The following ARPC1B variants were observed in gnomAD, a reference collection of about 807,000 sequenced individuals.
ARPC1B encodes the protein actin related protein 2/3 complex subunit 1B.
In ARPC1B, 29 loss-of-function variants were observed where a neutral mutation model predicts 46.0. That is an observed-to-expected ratio of 0.63 (90% CI 0.47 to 0.86). The LOEUF (loss-of-function observed/expected upper bound fraction) is 0.86. Ranked by LOEUF, ARPC1B falls within the 40% of genes least tolerant of loss-of-function variation. The pLI is 0.00. For synonymous variants in ARPC1B, 201 were observed against 213.9 expected (o/e 0.94, Z 0.53); for missense variants, 469 against 529.4 (o/e 0.89, Z 1.12).
In ARPC1B at chr7:99,394,490, C is replaced by T. The variant is rs377295485; in HGVS notation, c.*1C>T. On this transcript the variant is annotated 3_prime_UTR_variant, in exon 10 of 10. Coordinates refer to ENST00000646101, the MANE Select transcript of ARPC1B (RefSeq NM_005720.4). ...CTTGAAGGACCTCAAGATCAAATGA[C>T]CTGTGAGGAATATGTTGCCTTCATC... 1.2e-6 allele frequency: 2 copies of T among 1,613,976 alleles called. No individual in the cohort carries two copies. Among genetic ancestry groups the T allele is most frequent in the Admixed American group, 3.3e-5 (2 of 59,992 alleles).
Position 99,394,075 on chromosome 7 carries a change from T to C in ARPC1B, c.1036T>C (p.Cys346Arg). The C allele has an allele frequency of 6.2e-7, 1 of 1,613,722 alleles. No homozygotes were observed. The highest frequency in any genetic ancestry group is 8.5e-7 in the Non-Finnish European group (1 of 1,180,044). ...CGGCAAGGCCAAGTGCTCGCAGTTC[T>C]GCACCACTGGCATGGATGGCGGCAT... ...SGGKAKCSQFCTTGMDGGMSI... is the reference protein window; with the variant it reads ...SGGKAKCSQFRTTGMDGGMSI... Residue 346 changes from cysteine (C) to arginine (R), a missense_variant, in exon 9 of 10, where the codon TGC becomes CGC. Coordinates refer to ENST00000646101, the MANE Select transcript of ARPC1B (RefSeq NM_005720.4).
intron 1 of ARPC1B, among the ~76,000 whole-genome samples, chr7:99,382,470 G>A (rs1562812140): frequency 6.6e-6 from 1 of 151,234 alleles, no homozygotes; most frequent in Non-Finnish European, 1.5e-5. Context: ...AGAAAGTGCT[G>A]GATGGTACTA....
intron 4 of ARPC1B, chr7:99,389,460 A>G (rs1033114988): frequency 7.6e-5 from 12 of 158,772 alleles, no homozygotes; most frequent in South Asian, 3.5e-4. Flanking sequence ...GCCTCAAGCA[A>G]TCTTCCCACC....
chr7:99,389,822 G>A (rs1020331908), intron 4 of ARPC1B, 83 bp from the exon 5 acceptor site: 162 of 1,170,366 alleles, frequency 1.4e-4, no homozygotes, highest in Middle Eastern at 5.4e-4. Context: ...GGGAGCAGTG[G>A]GAGCCTGGAG....
intron 1 of ARPC1B, among the ~76,000 whole-genome samples, chr7:99,379,456 T>G (rs973174108): frequency 1.3e-5 from 2 of 152,126 alleles, no homozygotes; most frequent in Admixed American, 6.6e-5. Context: ...CTGCCTGAGC[T>G]GGGTGGGGAC....
At chr7:99,380,937 C>T (rs1794198709) in intron 1 of ARPC1B, among the ~76,000 whole-genome samples, 1 of 152,202 alleles carries the variant, frequency 6.6e-6, no homozygotes, top group African/African-American at 2.4e-5. Context: ...CTTCACCCTG[C>T]CCCTGCCCTG....
rs1397191645 is a variant in ARPC1B at position 99,388,070 on chromosome 7, T to C, written c.201T>C (p.Ile67=). Residue 67 remains isoleucine, a synonymous_variant, in exon 4 of 10, where the codon ATT becomes ATC. Transcript: ENST00000646101. ...ACTGGGCCCCCGAGAGTAACCGTAT[T>C]GTGACCTGCGGCACAGACCGCAACG... ...GIDWAPESNR[I]VTCGTDRNAY... is the part of the protein sequence containing the mutation. The C allele has an allele frequency of 3.1e-6, 5 of 1,611,738 alleles. No individual in the cohort carries two copies. Among genetic ancestry groups the C allele is most frequent in the Non-Finnish European group, 3.4e-6 (4 of 1,178,278 alleles).
At chr7:99,379,413 G>A (rs1794141282) in intron 1 of ARPC1B, among the ~76,000 whole-genome samples, 1 of 152,174 alleles carries the variant, frequency 6.6e-6, no homozygotes, top group African/African-American at 2.4e-5. Context: ...TTAGCACGGT[G>A]CAAATTAGCC....
intron 1 of ARPC1B, among the ~76,000 whole-genome samples, chr7:99,381,106 C>T (rs1213679899): frequency 3.3e-5 from 5 of 152,196 alleles, no homozygotes; most frequent in African/African-American, 7.2e-5. Flanking sequence ...CCCATCAGAC[C>T]TGCTGACATG....
intron 1 of ARPC1B, among the ~76,000 whole-genome samples, chr7:99,378,778 T>TTTC (rs1794111157): frequency 7.6e-6 from 1 of 131,220 alleles, no homozygotes; most frequent in African/African-American, 3.3e-5. Flanking sequence ...CTTTTTCTTT[T>TTTC]TTTTTTTTTT....
At position 99,394,110 on chromosome 7, in the gene ARPC1B, G is replaced by C; in HGVS notation, c.1071G>C (p.Trp357Cys). Residue 357 changes from tryptophan to cysteine, a missense_variant, in exon 9 of 10, where the codon TGG (tryptophan) becomes TGC (cysteine). Physicochemically the swap from Trp to Cys is radical, Grantham distance 215. Transcript: ENST00000646101. ...TTGMDGGMSI[W>C]DVKSLESALK... is the part of the protein sequence containing the mutation. ...GCATGGATGGCGGCATGAGTATCTGGGATGTGAAGGTGAGGCTTGCCCCTC... is the reference window on the plus strand; with the variant it reads ...GCATGGATGGCGGCATGAGTATCTGCGATGTGAAGGTGAGGCTTGCCCCTC... The C allele has an allele frequency of 6.2e-7, 1 of 1,613,548 alleles. No homozygotes were observed. The highest frequency in any genetic ancestry group is 8.5e-7 in the Non-Finnish European group (1 of 1,180,030).
At position 99,386,718 on chromosome 7, in the gene ARPC1B, A is replaced by G. The variant is rs200838883; in HGVS notation, c.98A>G (p.His33Arg). The change falls in exon 3 of 10, where the codon CAT becomes CGT. Residue 33 changes from histidine (H) to arginine (R), a missense_variant. Physicochemically the swap from His to Arg is conservative, Grantham distance 29 (BLOSUM62 0). Transcript: ENST00000646101. ...ATCTGCCCCAACAACCATGAGGTGCATATCTATGAAAAGAGCGGTGCCAAA... is the reference window on the plus strand; with the variant it reads ...ATCTGCCCCAACAACCATGAGGTGCGTATCTATGAAAAGAGCGGTGCCAAA... Reference protein sequence around the residue: ...IAICPNNHEVHIYEKSGAKWT... With the variant: ...IAICPNNHEVRIYEKSGAKWT... 538 of 1,614,138 alleles carry G rather than the reference A, an allele frequency of 3.3e-4. 3 individuals carry two copies. In the Admixed American group the frequency reaches 8.8e-3, roughly 26 times the overall value.
intron 3 of ARPC1B, among the ~76,000 whole-genome samples, chr7:99,387,152 G>A (rs867101612): frequency 6.6e-6 from 1 of 152,196 alleles, no homozygotes; most frequent in South Asian, 2.1e-4. Flanking sequence ...AGTAAAAAGT[G>A]CTTGCTGGGC....
In ARPC1B at chr7:99,388,013, C is replaced by T. The variant is rs77167227; in HGVS notation, c.170-26C>T. On this transcript the variant is annotated intron_variant, in intron 3 of 9. Transcript: ENST00000646101. The stretch of plus-strand genomic sequence containing the variant: ...ACCTCTGCCTGAGTGTCATCAGCCT[C>T]CTGTGTTCCCTCCATCCCCCCACAG... 5,221 of 1,512,528 alleles carry T rather than the reference C, an allele frequency of 3.5e-3. 22 individuals carry two copies. Among genetic ancestry groups the T allele is most frequent in the African/African-American group, 0.012 (881 of 73,094 alleles). 93.7% of individuals were successfully genotyped at this position (1,512,528 alleles called of 1,614,324 possible).
Position 99,389,997 on chromosome 7 carries a change from G to C in ARPC1B, c.485G>C (p.Cys162Ser), listed in dbSNP as rs1268568339. ...PNNVLLAAGS[C>S]DFKCRIFSAY... ...AATGTGCTGCTGGCTGCCGGCTCCT[G>C]TGACTTCAAGTGTCGGTGAGACAGG... is the stretch of plus-strand genomic sequence containing the variant. Residue 162 changes from cysteine to serine, a missense_variant, in exon 5 of 10, where the codon TGT becomes TCT. Physicochemically the swap from Cys to Ser is moderately radical, Grantham distance 112. Transcript: ENST00000646101. 4 of 1,614,068 alleles carry C rather than the reference G, an allele frequency of 2.5e-6. No homozygotes were observed. Among genetic ancestry groups the C allele is most frequent in the Non-Finnish European group, 3.4e-6 (4 of 1,180,000 alleles).
intron 1 of ARPC1B, 54 bp from the exon 2 acceptor site, chr7:99,385,648 G>A: frequency 6.0e-6 from 9 of 1,509,514 alleles, no homozygotes; most frequent in African/African-American, 2.7e-5. Context: ...TATGGGTGAA[G>A]TCAGGGGCAA....
In ARPC1B at chr7:99,394,477, C is replaced by A; in HGVS notation, c.1107C>A (p.Leu369=). The A allele has an allele frequency of 6.2e-7, 1 of 1,614,052 alleles. No individual in the cohort carries two copies. Among genetic ancestry groups the A allele is most frequent in the Non-Finnish European group, 8.5e-7 (1 of 1,180,020 alleles). Reference sequence around the variant, plus strand: ...GCTTGGAGTCAGCCTTGAAGGACCTCAAGATCAAATGACCTGTGAGGAATA... The same window carrying A: ...GCTTGGAGTCAGCCTTGAAGGACCTAAAGATCAAATGACCTGTGAGGAATA... The part of the protein sequence containing the change: ...VKSLESALKD[L]KIK Residue 369 remains leucine, a synonymous_variant, in exon 10 of 10, where the codon CTC becomes CTA. Coordinates refer to ENST00000646101, the MANE Select transcript of ARPC1B (RefSeq NM_005720.4).
intron 1 of ARPC1B, among the ~76,000 whole-genome samples, chr7:99,378,624 A>C (rs1191983871): frequency 1.3e-5 from 2 of 151,210 alleles, no homozygotes; most frequent in African/African-American, 4.8e-5. Context: ...CGGAGGTTGC[A>C]GTGAGCCGAG....
At chr7:99,377,717 C>T (rs1218046795) in intron 1 of ARPC1B, among the ~76,000 whole-genome samples, 6 of 151,754 alleles carry the variant, frequency 4.0e-5, no homozygotes, top group Non-Finnish European at 8.8e-5. Flanking sequence ...TAACTGCAAC[C>T]TCTTCCTCTC....
Sources: allele counts gnomAD v4.1 joint callset (sites outside exome capture counted in the v4.1 genomes callset), GRCh38; gene constraint gnomAD v4.1.1; transcripts MANE v1.5; gene names NCBI Gene and HGNC (gene_info 2026-07-23, HGNC 2026-07-21).